Variants in PLCB3 observed in about 807,000 individuals in gnomAD.
PLCB3 encodes 1-phosphatidylinositol 4,5-bisphosphate phosphodiesterase beta-3.
Under a neutral mutation model 152.1 loss-of-function variants are expected in PLCB3, and 54 were observed. The observed-to-expected ratio is 0.36, with a 90% CI of 0.29 to 0.45. The LOEUF (loss-of-function observed/expected upper bound fraction) is 0.45. Ranked by LOEUF, PLCB3 falls within the 20% of genes least tolerant of loss-of-function variation. The probability of loss-of-function intolerance (pLI) is 1.00; values close to 1 mark genes in which losing one functional copy is unlikely to be tolerated. For synonymous variants in PLCB3, 717 were observed against 698.7 expected (o/e 1.03, Z -0.41); for missense variants, 1,248 against 1,687.5 (o/e 0.74, Z 4.56).
chr11:64,265,057 C>T lies in PLCB3; in HGVS notation c.2759C>T (p.Pro920Leu). 1 of 1,539,364 alleles carries T rather than the reference C, an allele frequency of 6.5e-7. No individual in the cohort carries two copies. The highest frequency in any genetic ancestry group is 8.8e-7 in the Non-Finnish European group (1 of 1,137,944). The change falls in exon 23 of 31, where the codon CCC becomes CTC. Residue 920 changes from proline (P) to leucine (L), a missense_variant. Coordinates refer to ENST00000279230, the MANE Select transcript of PLCB3 (RefSeq NM_000932.5). Reference protein sequence around the residue: ...PSPLDASPRRPPGPTTSPAST... With the variant: ...PSPLDASPRRLPGPTTSPAST... ...CCACTGGATGCCTCCCCCCGCCGGC[C>T]CCCTGGCCCCACCACCTCCCCTGCC... is the stretch of plus-strand genomic sequence containing the variant.
In PLCB3 at chr11:64,261,597, C is replaced by T. The variant is rs778468988; in HGVS notation, c.1845C>T (p.Phe615=). The change falls in exon 16 of 31, where the codon TTC becomes TTT. Residue 615 remains phenylalanine, a synonymous_variant. Coordinates refer to ENST00000279230, the MANE Select transcript of PLCB3 (RefSeq NM_000932.5). ...ACCCCTAAGAGAGGAACAAATGCTT[C>T]GAGATGTCGTCCTTTGTGGAGACCA... ...FEAARKRNKC[F]EMSSFVETKA... is the part of the protein sequence containing the mutation. The T allele has an allele frequency of 8.1e-6, 13 of 1,613,972 alleles. No individual in the cohort carries two copies. Among genetic ancestry groups the T allele is most frequent in the African/African-American group, 2.7e-5 (2 of 74,904 alleles).
Position 64,255,639 on chromosome 11 carries a change from CGGGGT to C in PLCB3, c.597+30_597+34del. 1 of 645,450 alleles carries C rather than the reference CGGGGT, an allele frequency of 1.5e-6. No homozygotes were observed. The highest frequency in any genetic ancestry group is 2.7e-6 in the Non-Finnish European group (1 of 370,696). 40.0% of individuals were successfully genotyped at this position (645,450 alleles called of 1,614,324 possible). A position where few individuals can be genotyped will look rare whatever the true frequency, so the allele number is the denominator to read the frequency against. The stretch of plus-strand genomic sequence containing the variant: ...CGGGTGTGTGGGGTGGGGACAGGGG[CGGGGT>C]GGGGTGTCACGGTGGGCACCCACCC... On this transcript the variant is annotated intron_variant, in intron 7 of 30. Transcript: ENST00000279230. The surrounding 1 kb of genome is among the most constrained non-coding windows in gnomAD (Gnocchi z 6.8).
Position 64,267,365 on chromosome 11 carries a change from C to G in PLCB3, c.3514C>G (p.Leu1172Val). ...AEEEPKLLAQLAQECQEQRAR... is the reference protein window; with the variant it reads ...AEEEPKLLAQVAQECQEQRAR... ...CCTTCTCCCACAGCTGCTGGCCCAGCTGGCCCAGGAGTGTCAGGAGCAGCG... is the reference window on the plus strand; with the variant it reads ...CCTTCTCCCACAGCTGCTGGCCCAGGTGGCCCAGGAGTGTCAGGAGCAGCG... Residue 1172 changes from leucine to valine, a missense_variant, in exon 31 of 31, where the codon CTG becomes GTG. Physicochemically the swap from Leu to Val is conservative, Grantham distance 32. This residue lies in a region of PLCB3 where 477 missense variants were observed against 489.6 expected (regional missense o/e 0.97). Coordinates refer to ENST00000279230, the MANE Select transcript of PLCB3 (RefSeq NM_000932.5). This position sits in a 1 kb window ranked among gnomAD's most constrained non-coding sequence, Gnocchi z 5.2. The G allele has an allele frequency of 1.3e-6, 2 of 1,546,560 alleles. No homozygotes were observed. The highest frequency in any genetic ancestry group is 1.7e-6 in the Non-Finnish European group (2 of 1,144,084).
chr11:64,258,584 C>T lies in PLCB3; in HGVS notation c.1124C>T (p.Pro375Leu), dbSNP rs929120823. ...AAGGGACGGCCGCCTGAGGAGGAAC[C>T]CTTCATTACCCACGGCTTCACCATG... ...VWKGRPPEEE[P>L]FITHGFTMTT... The change falls in exon 11 of 31, where the codon CCC (proline) becomes CTC (leucine). Residue 375 changes from proline (P) to leucine (L), a missense_variant. Physicochemically the swap from Pro to Leu is moderately conservative, Grantham distance 98. Transcript: ENST00000279230. This position sits in a 1 kb window ranked among gnomAD's most constrained non-coding sequence, Gnocchi z 7.2. 11 of 1,613,948 alleles carry T rather than the reference C, an allele frequency of 6.8e-6. No individual in the cohort carries two copies. The highest frequency in any genetic ancestry group is 1.3e-5 in the African/African-American group (1 of 74,932).
intron 19 of PLCB3, 34 bp from the exon 20 acceptor site, chr11:64,263,464 C>T (rs772909294): frequency 7.1e-7 from 1 of 1,415,324 alleles, no homozygotes; most frequent in Non-Finnish European, 9.7e-7. Context: ...GGCCCAGGGT[C>T]AGCCCTGTGG....
rs746819910 is a variant in PLCB3 at position 64,263,615 on chromosome 11, T to C, written c.2455+18T>C. The C allele has an allele frequency of 6.2e-7, 1 of 1,609,088 alleles. No individual in the cohort carries two copies. Among genetic ancestry groups the C allele is most frequent in the Non-Finnish European group, 8.5e-7 (1 of 1,176,450 alleles). On this transcript the variant is annotated intron_variant, in intron 20 of 30. Transcript: ENST00000279230. ...CCGCTCCGGTGAGGCCTTGGTGGGCTCTGGGCAGCACAGCGGGCAGTGGGT... is the reference window on the plus strand; with the variant it reads ...CCGCTCCGGTGAGGCCTTGGTGGGCCCTGGGCAGCACAGCGGGCAGTGGGT...
intron 19 of PLCB3, 52 bp downstream of exon 19, chr11:64,262,860 G>A (rs374078332): frequency 3.5e-5 from 54 of 1,560,970 alleles, no homozygotes; most frequent in Middle Eastern, 1.7e-4. Flanking sequence ...AGCCCAGACC[G>A]CCCCGACTCT....
In PLCB3 at chr11:64,267,216, G is replaced by T; in HGVS notation, c.3446G>T (p.Arg1149Leu). Residue 1149 changes from arginine to leucine, a missense_variant, in exon 30 of 31, where the codon CGT (arginine) becomes CTT (leucine). This residue lies in a region of PLCB3 where 477 missense variants were observed against 489.6 expected (regional missense o/e 0.97). Coordinates refer to ENST00000279230, the MANE Select transcript of PLCB3 (RefSeq NM_000932.5). The surrounding 1 kb of genome is among the most constrained non-coding windows in gnomAD (Gnocchi z 5.2). ...LEEAQKQRHD[R>L]LVAGQQQVLQ... Reference sequence around the variant, plus strand: ...GAGGCCCAGAAGCAGCGGCATGACCGTCTTGTGGCTGGGCAGCAGCAGGTC... The same window carrying T: ...GAGGCCCAGAAGCAGCGGCATGACCTTCTTGTGGCTGGGCAGCAGCAGGTC... 3 of 1,550,658 alleles carry T rather than the reference G, an allele frequency of 1.9e-6. No individual in the cohort carries two copies. Among genetic ancestry groups the T allele is most frequent in the Non-Finnish European group, 2.6e-6 (3 of 1,146,980 alleles).
At position 64,256,738 on chromosome 11, in the gene PLCB3, A is replaced by G; in HGVS notation, c.986A>G (p.Asn329Ser). 1 of 1,613,966 alleles carries G rather than the reference A, an allele frequency of 6.2e-7. No homozygotes were observed. Among genetic ancestry groups the G allele is most frequent in the Non-Finnish European group, 8.5e-7 (1 of 1,179,990 alleles). ...MTQPLSAYFI[N>S]SSHNTYLTAG... Reference sequence around the variant, plus strand: ...CAGCCACTGAGTGCCTACTTCATCAACTCCTCGCATAACACCTATCTCACT... The same window carrying G: ...CAGCCACTGAGTGCCTACTTCATCAGCTCCTCGCATAACACCTATCTCACT... Residue 329 changes from asparagine (N) to serine (S), a missense_variant, in exon 10 of 31, where the codon AAC (asparagine) becomes AGC (serine). By Grantham distance (46) the Asn-to-Ser change is conservative. Around this residue, in one of 6 missense-constraint regions of PLCB3, gnomAD observed 1 missense variants for 16.1 expected, o/e 0.06. Transcript: ENST00000279230.
At position 64,255,890 on chromosome 11, in the gene PLCB3, C is replaced by T. The variant is rs1235077659; in HGVS notation, c.698+69C>T. Reference sequence around the variant, plus strand: ...TAGCTTCTGCTTAGCGTGCCTCTAGCTCAATGGGGAGAGGGGAAACTGGTG... The same window carrying T: ...TAGCTTCTGCTTAGCGTGCCTCTAGTTCAATGGGGAGAGGGGAAACTGGTG... On this transcript the variant is annotated intron_variant, in intron 8 of 30. Transcript: ENST00000279230. This position sits in a 1 kb window ranked among gnomAD's most constrained non-coding sequence, Gnocchi z 6.8. 4.2e-6 allele frequency: 5 copies of T among 1,197,284 alleles called. No homozygotes were observed. The highest frequency in any genetic ancestry group is 3.4e-5 in the Admixed American group (2 of 59,242). The allele number at this position is 1,197,284 out of a possible 1,614,324, so 74.2% of individuals were successfully genotyped here. A position where few individuals can be genotyped will look rare whatever the true frequency, so the allele number is the denominator to read the frequency against.
intron 19 of PLCB3, 22 bp downstream of exon 19, chr11:64,262,830 G>A (rs367889024): frequency 6.2e-6 from 10 of 1,608,280 alleles, no homozygotes; most frequent in African/African-American, 5.3e-5. Context: ...CCCTGCACCC[G>A]CCCAGGCACA....
At chr11:64,261,756 C>T in intron 16 of PLCB3, 91 bp downstream of exon 16, 1 of 1,432,684 alleles carries the variant, frequency 7.0e-7, no homozygotes, top group Non-Finnish European at 9.8e-7. Context: ...GCCACCTGCA[C>T]AGGGTGCTGG....
At chr11:64,254,595 A>G in intron 2 of PLCB3, 103 bp downstream of exon 2, 1 of 1,355,964 alleles carries the variant, frequency 7.4e-7, no homozygotes, top group Non-Finnish European at 1.1e-6. Flanking sequence ...GACCTCTCCC[A>G]CTGCTGCCCA....
chr11:64,260,562 CGGGGAGCATTGTCAT>C (rs1308938822), intron 14 of PLCB3, among the ~76,000 whole-genome samples: 3 of 151,506 alleles, frequency 2.0e-5, no homozygotes, highest in Non-Finnish European at 4.4e-5. Flanking sequence ...GGTGCAGGAG[CGGGGAGCATTGTCAT>C]GGGGAGCATT....
chr11:64,255,680 G>C lies in PLCB3; in HGVS notation c.598-41G>C, dbSNP rs1444423739. The C allele has an allele frequency of 6.2e-7, 1 of 1,607,882 alleles. No homozygotes were observed. The highest frequency in any genetic ancestry group is 8.5e-7 in the Non-Finnish European group (1 of 1,175,676). On this transcript the variant is annotated intron_variant, in intron 7 of 30. Transcript: ENST00000279230. This position sits in a 1 kb window ranked among gnomAD's most constrained non-coding sequence, Gnocchi z 6.8. ...GGTGGGCACCCACCCTTACGGGGCT[G>C]CCCGCCCCTGGCTTCTCACCCCACA... is the stretch of plus-strand genomic sequence containing the variant.
Position 64,259,330 on chromosome 11 carries a change from C to T in PLCB3, c.1525+86C>T, listed in dbSNP as rs958153350. 4 of 1,093,108 alleles carry T rather than the reference C, an allele frequency of 3.7e-6. No homozygotes were observed. The African/African-American group carries it at 4.7e-5, about 13-fold the overall frequency. The allele number at this position is 1,093,108 out of a possible 1,614,324, so 67.7% of individuals were successfully genotyped here. Reference sequence around the variant, plus strand: ...GCGCCGTGACACTTCATCCCAGACCCCCAGCCCACCCTCCTGCCTCGCTGT... The same window carrying T: ...GCGCCGTGACACTTCATCCCAGACCTCCAGCCCACCCTCCTGCCTCGCTGT... On this transcript the variant is annotated intron_variant, in intron 13 of 30. Transcript: ENST00000279230.
intron 2 of PLCB3, 93 bp from the exon 3 acceptor site, chr11:64,254,655 C>T: frequency 7.0e-7 from 1 of 1,435,860 alleles, no homozygotes; most frequent in Middle Eastern, 2.4e-4. Flanking sequence ...TAGCCAGGGG[C>T]TGGCCATTCC....
chr11:64,268,116 G>A (rs955748403), downstream of PLCB3, among the ~76,000 whole-genome samples: 3 of 152,106 alleles, frequency 2.0e-5, no homozygotes, highest in Admixed American at 6.6e-5. Flanking sequence ...CCCCCAAGCC[G>A]CTGTTCCTGT....
chr11:64,260,002 C>A (rs1461228232), intron 13 of PLCB3, 27 bp from the exon 14 acceptor site: 5 of 1,598,934 alleles, frequency 3.1e-6, no homozygotes, highest in South Asian at 1.1e-5. Context: ...GTCCTGACCC[C>A]TCACCCTGTG....
Sources: gnomAD v4.1 joint callset for allele counts (sites outside exome capture counted in the v4.1 genomes callset) on GRCh38, gnomAD v4.1.1 for gene constraint, gnomAD v4.1.1 regional missense constraint, Gnocchi (gnomAD v3.1) non-coding constraint, MANE v1.5 for transcripts, NCBI Gene and HGNC (gene_info 2026-07-23, HGNC 2026-07-21) for gene names.